MPZL1: variants seen among roughly 807,000 people sequenced by gnomAD.
The protein encoded by MPZL1 is myelin protein zero-like protein 1.
MPZL1 carries 16 observed loss-of-function variants against 29.3 expected under a neutral mutation model. The observed-to-expected ratio is 0.55, with a 90% CI of 0.37 to 0.83. MPZL1 has a LOEUF of 0.83. Ranked by LOEUF, MPZL1 falls within the 40% of genes least tolerant of loss-of-function variation. MPZL1 has a pLI of 0.00. For missense variants in MPZL1, 279 were observed against 332.9 expected, an observed-to-expected ratio of 0.84 and a Z score of 1.26; for synonymous variants, 143 against 132.0, an observed-to-expected ratio of 1.08 and a Z score of -0.57.
intron 2 of MPZL1, among the ~76,000 whole-genome samples, chr1:167,769,403 A>G (rs1435857416): frequency 2.0e-5 from 3 of 152,122 alleles, no homozygotes; most frequent in Admixed American, 6.5e-5. Flanking sequence ...GCCCCTTGTA[A>G]GAGAATAGTG....
chr1:167,786,881 TA>T (rs1308000926), intron 5 of MPZL1, among the ~76,000 whole-genome samples: 1 of 152,256 alleles, frequency 6.6e-6, no homozygotes, highest in Non-Finnish European at 1.5e-5. Context: ...ATCTTTCTTT[TA>T]AAACCAGGGC....
chr1:167,735,066 A>G (rs919941010), intron 1 of MPZL1, among the ~76,000 whole-genome samples: 1 of 152,244 alleles, frequency 6.6e-6, no homozygotes, highest in Admixed American at 6.5e-5. Flanking sequence ...AGATAAGGAT[A>G]TCTTTCAGAC....
chr1:167,747,085 AC>A (rs1660661641), intron 1 of MPZL1, among the ~76,000 whole-genome samples: 1 of 152,154 alleles, frequency 6.6e-6, no homozygotes, highest in South Asian at 2.1e-4. Context: ...GAGGAAGAAA[AC>A]TGCAAATATT....
chr1:167,774,619 G>A (rs1168366920), intron 4 of MPZL1: 3 of 152,210 alleles, frequency 2.0e-5, no homozygotes, highest in African/African-American at 7.2e-5. Context: ...TGTAGTTCTT[G>A]CTTCGGGGTT....
intron 5 of MPZL1, among the ~76,000 whole-genome samples, chr1:167,782,269 C>T (rs979726673): frequency 6.6e-6 from 1 of 152,074 alleles, no homozygotes; most frequent in South Asian, 2.1e-4. Flanking sequence ...TTCATATTTT[C>T]AACTATCTTA....
At chr1:167,734,498 AC>A (rs145570625) in intron 1 of MPZL1, among the ~76,000 whole-genome samples, 2,428 of 152,164 alleles carry the variant, frequency 0.016, 76 homozygotes, top group African/African-American at 0.056. Flanking sequence ...GCCTAACCCA[AC>A]TTGACGTTCC....
intron 1 of MPZL1, among the ~76,000 whole-genome samples, chr1:167,762,657 C>T (rs767305256): frequency 2.0e-5 from 3 of 152,204 alleles, no homozygotes; most frequent in African/African-American, 4.8e-5. Flanking sequence ...TACAGAAAAA[C>T]CCTTAGGCTG....
chr1:167,773,506 G>A (rs1398745304), intron 4 of MPZL1, 138 bp downstream of exon 4: 3 of 946,970 alleles, frequency 3.2e-6, no homozygotes, highest in Non-Finnish European at 4.3e-6. Flanking sequence ...AGTCTCCTTA[G>A]GAGGTGTTCT....
At chr1:167,741,324 C>A (rs1426556845) in intron 1 of MPZL1, among the ~76,000 whole-genome samples, 1 of 139,420 alleles carries the variant, frequency 7.2e-6, no homozygotes, top group African/African-American at 2.7e-5. Flanking sequence ...GTCTAGCCTG[C>A]AGTCACTTTT....
chr1:167,791,352 A>T lies in MPZL1; in HGVS notation c.*3431A>T, dbSNP rs1347479036. 6.6e-6 allele frequency: 1 copy of T among 152,264 alleles called. No homozygotes were observed. Among genetic ancestry groups the T allele is most frequent in the Non-Finnish European group, 1.5e-5 (1 of 68,054 alleles). 9.4% of individuals were successfully genotyped at this position (152,264 alleles called of 1,614,324 possible). A position where few individuals can be genotyped will look rare whatever the true frequency, so the allele number is the denominator to read the frequency against. On this transcript the variant is annotated 3_prime_UTR_variant, in exon 6 of 6. Transcript: ENST00000359523. ...CTACACTGAGAACAATCCTGTGCCAAGCACTGTGCTAAGCATAAGGAAACA... is the reference window on the plus strand; with the variant it reads ...CTACACTGAGAACAATCCTGTGCCATGCACTGTGCTAAGCATAAGGAAACA...
At chr1:167,758,242 G>GT (rs1308137910) in intron 1 of MPZL1, among the ~76,000 whole-genome samples, 1 of 151,910 alleles carries the variant, frequency 6.6e-6, no homozygotes, top group Non-Finnish European at 1.5e-5. Context: ...GCTTCAACCA[G>GT]TAACAGCTTC....
intron 1 of MPZL1, among the ~76,000 whole-genome samples, chr1:167,732,280 T>A (rs1223470455): frequency 6.6e-6 from 1 of 152,170 alleles, no homozygotes; most frequent in Non-Finnish European, 1.5e-5. Flanking sequence ...AAATATTGCC[T>A]GGGCAACATG....
chr1:167,730,642 C>G (rs1660243931), intron 1 of MPZL1, among the ~76,000 whole-genome samples: 1 of 152,204 alleles, frequency 6.6e-6, no homozygotes, highest in South Asian at 2.1e-4. Flanking sequence ...AAGCATGAAT[C>G]CATTATACTG....
At chr1:167,778,567 TAGA>T in intron 5 of MPZL1, among the ~76,000 whole-genome samples, 1 of 151,536 alleles carries the variant, frequency 6.6e-6, no homozygotes, top group Admixed American at 6.6e-5. Flanking sequence ...GATGGATGGA[TAGA>T]TTTAAAAAAA....
At chr1:167,782,310 C>T (rs1661513201) in intron 5 of MPZL1, among the ~76,000 whole-genome samples, 1 of 151,950 alleles carries the variant, frequency 6.6e-6, no homozygotes, top group Non-Finnish European at 1.5e-5. Flanking sequence ...TTATTTTATA[C>T]CTCAAAACTG....
chr1:167,760,231 C>T (rs574437197), intron 1 of MPZL1, among the ~76,000 whole-genome samples: 1 of 152,220 alleles, frequency 6.6e-6, no homozygotes, highest in South Asian at 2.1e-4. Flanking sequence ...GAGACAGAGT[C>T]TCGCTCTGTC....
chr1:167,738,226 G>T (rs975028261), intron 1 of MPZL1, among the ~76,000 whole-genome samples: 3 of 151,922 alleles, frequency 2.0e-5, no homozygotes, highest in Non-Finnish European at 4.4e-5. Context: ...GCCTGGCCAA[G>T]ATTTCTTGTT....
At chr1:167,751,575 G>A (rs1183457786) in intron 1 of MPZL1, among the ~76,000 whole-genome samples, 2 of 151,684 alleles carry the variant, frequency 1.3e-5, no homozygotes, top group Non-Finnish European at 2.9e-5. Flanking sequence ...GGAGGCTGAG[G>A]CAGGAGAATC....
chr1:167,746,253 T>C (rs1660644442), intron 1 of MPZL1, among the ~76,000 whole-genome samples: 6 of 151,818 alleles, frequency 4.0e-5, no homozygotes. Flanking sequence ...AAGAGTGTGC[T>C]GTGTTGGGGA....
Sources: allele counts gnomAD v4.1 joint callset (sites outside exome capture counted in the v4.1 genomes callset), GRCh38; gene constraint gnomAD v4.1.1; transcripts MANE v1.5; gene names NCBI Gene and HGNC (gene_info 2026-07-23, HGNC 2026-07-21).